Variants in NAALADL2 observed in about 807,000 individuals in gnomAD.
The protein encoded by NAALADL2 is inactive N-acetylated-alpha-linked acidic dipeptidase-like protein 2.
NAALADL2 carries 76 observed loss-of-function variants against 87.2 expected under a neutral mutation model. The observed-to-expected ratio is 0.87, with a 90% CI of 0.72 to 1.05. NAALADL2 has a LOEUF of 1.05. NAALADL2 is among the 50% of genes least tolerant of loss of function. The probability of loss-of-function intolerance (pLI) is 0.00; values close to 1 mark genes in which losing one functional copy is unlikely to be tolerated. For missense variants in NAALADL2, 1,089 were observed against 945.8 expected (o/e 1.15, Z -1.99); for synonymous variants, 354 against 331.0 (o/e 1.07, Z -0.75).
chr3:175,375,246 A>T (rs1767004204), intron 5 of NAALADL2, among the ~76,000 whole-genome samples: 1 of 152,072 alleles, frequency 6.6e-6, no homozygotes, highest in Non-Finnish European at 1.5e-5. Flanking sequence ...TCTCTTTCAA[A>T]ATAATGTTAG....
intron 1 of NAALADL2, among the ~76,000 whole-genome samples, chr3:174,861,943 C>G (rs1413306434): frequency 6.6e-6 from 1 of 151,088 alleles, no homozygotes; most frequent in Non-Finnish European, 1.5e-5. Flanking sequence ...CCAAGGTTAT[C>G]TTGAGCTGTG....
At position 175,188,170 on chromosome 3, in the gene NAALADL2, T is replaced by C. The variant is rs562433656; in HGVS notation, c.546-45761T>C. The stretch of plus-strand genomic sequence containing the variant: ...TTTTGACAGAATGAGTATTCTGATA[T>C]GTAGTTTTGACCTGTAATACCTGGC... On this transcript the variant is annotated intron_variant, in intron 2 of 13. Transcript: ENST00000454872. 1.9e-4 allele frequency among the ~76,000 whole-genome samples: 29 copies of C among 152,332 alleles called. No homozygotes were observed. The South Asian group carries it at 5.2e-3, about 27-fold the overall frequency.
chr3:175,024,343 GCAA>G (rs986933534), intron 1 of NAALADL2, among the ~76,000 whole-genome samples: 4 of 152,104 alleles, frequency 2.6e-5, no homozygotes, highest in East Asian at 1.9e-4. Context: ...GTACTGAAAA[GCAA>G]CAACAACAGC....
chr3:174,986,072 G>C (rs1745821309), intron 1 of NAALADL2, among the ~76,000 whole-genome samples: 1 of 151,810 alleles, frequency 6.6e-6, no homozygotes. Flanking sequence ...ATTAATTTAA[G>C]TCCTTTTTAG....
intron 1 of NAALADL2, among the ~76,000 whole-genome samples, chr3:174,868,340 G>A (rs1021408745): frequency 3.9e-5 from 6 of 152,082 alleles, no homozygotes; most frequent in African/African-American, 1.4e-4. Context: ...ATTTAGTGAT[G>A]TGCTTATTTA....
At chr3:175,697,334 T>A (rs1737942658) in intron 11 of NAALADL2, among the ~76,000 whole-genome samples, 1 of 151,816 alleles carries the variant, frequency 6.6e-6, no homozygotes, top group Non-Finnish European at 1.5e-5. Context: ...CTTTTATGTG[T>A]AGGCCTTACT....
intron 5 of NAALADL2, among the ~76,000 whole-genome samples, chr3:175,387,784 C>A (rs774405521): frequency 1.3e-5 from 2 of 152,144 alleles, no homozygotes; most frequent in East Asian, 3.9e-4. Context: ...TAATACATTT[C>A]TTTCCTAAAA....
chr3:174,641,602 G>A (rs368527055), intron 2 of NAALADL2, among the ~76,000 whole-genome samples: 1 of 152,154 alleles, frequency 6.6e-6, no homozygotes, highest in East Asian at 1.9e-4. Context: ...CCTGTCCCTG[G>A]TAAAGTAAGT....
intron 11 of NAALADL2, among the ~76,000 whole-genome samples, chr3:175,719,553 C>G (rs1410307390): frequency 6.6e-6 from 1 of 152,136 alleles, no homozygotes; most frequent in Non-Finnish European, 1.5e-5. Context: ...CAAATGCAAA[C>G]TGCTTTACAG....
intron 1 of NAALADL2, among the ~76,000 whole-genome samples, chr3:174,861,726 C>T (rs1395295445): frequency 6.6e-6 from 1 of 151,952 alleles, no homozygotes; most frequent in African/African-American, 2.4e-5. Context: ...TGAATGATCT[C>T]TAGTTACAAT....
At chr3:174,841,735 G>C (rs1433816392) in intron 3 of NAALADL2, among the ~76,000 whole-genome samples, 1 of 152,148 alleles carries the variant, frequency 6.6e-6, no homozygotes, top group Admixed American at 6.5e-5. Context: ...AAAAATGATG[G>C]AAATCATCCT....
chr3:175,736,747 G>A (rs1396906486), intron 11 of NAALADL2, among the ~76,000 whole-genome samples: 3 of 152,192 alleles, frequency 2.0e-5, no homozygotes, highest in South Asian at 2.1e-4. Context: ...TCGTCAGTAT[G>A]TAATTTGGGG....
chr3:174,596,270 A>G (rs1043644667), intron 2 of NAALADL2, among the ~76,000 whole-genome samples: 1 of 152,142 alleles, frequency 6.6e-6, no homozygotes, highest in Non-Finnish European at 1.5e-5. Flanking sequence ...TGCAATGAGC[A>G]CAACAAATTC....
At chr3:174,618,255 T>C (rs1720670302) in intron 2 of NAALADL2, among the ~76,000 whole-genome samples, 2 of 151,800 alleles carry the variant, frequency 1.3e-5, no homozygotes, top group African/African-American at 4.8e-5. Context: ...CATAAATTGC[T>C]TGTCCACTTT....
intron 5 of NAALADL2, among the ~76,000 whole-genome samples, chr3:175,439,900 A>T (rs1048973394): frequency 6.6e-6 from 1 of 151,576 alleles, no homozygotes; most frequent in African/African-American, 2.4e-5. Flanking sequence ...ATTAAGTTCT[A>T]TCTATTTATC....
intron 9 of NAALADL2, among the ~76,000 whole-genome samples, chr3:175,543,040 CAG>C (rs752398228): frequency 2.1e-4 from 32 of 152,282 alleles, no homozygotes; most frequent in Non-Finnish European, 3.8e-4. Context: ...CCTCTACAAA[CAG>C]AGAATTTCTT....
At chr3:175,638,287 C>G (rs1056517813) in intron 11 of NAALADL2, among the ~76,000 whole-genome samples, 2 of 152,122 alleles carry the variant, frequency 1.3e-5, no homozygotes, top group African/African-American at 4.8e-5. Flanking sequence ...TCTGTGATTC[C>G]TTTTCACCTT....
intron 2 of NAALADL2, among the ~76,000 whole-genome samples, chr3:175,118,916 C>G (rs565527523): frequency 1.3e-5 from 2 of 151,698 alleles, no homozygotes; most frequent in South Asian, 4.1e-4. Flanking sequence ...TCCATTTTTT[C>G]CCCTTTGGCT....
At chr3:175,784,059 G>T (rs908172956) in intron 13 of NAALADL2, among the ~76,000 whole-genome samples, 11 of 148,810 alleles carry the variant, frequency 7.4e-5, no homozygotes, top group Non-Finnish European at 1.5e-4. Flanking sequence ...AAGCCCACTT[G>T]ATCATGGTGG....
Sources: gnomAD v4.1 joint callset for allele counts (sites outside exome capture counted in the v4.1 genomes callset) on GRCh38, gnomAD v4.1.1 for gene constraint, MANE v1.5 for transcripts, NCBI Gene and HGNC (gene_info 2026-07-23, HGNC 2026-07-21) for gene names.